GCA: variants seen among roughly 807,000 people sequenced by gnomAD.
GCA encodes grancalcin.
GCA carries 30 observed loss-of-function variants against 32.6 expected under a neutral mutation model. The observed-to-expected ratio is 0.92, with a 90% CI of 0.69 to 1.25. The LOEUF (loss-of-function observed/expected upper bound fraction) is 1.25, where lower values mean the gene tolerates loss of function less well. Among genes scored for constraint, GCA ranks in the 50% most tolerant of loss-of-function variants. The pLI is 0.00. For missense variants in GCA, 291 were observed against 266.8 expected, an observed-to-expected ratio of 1.09 and a Z score of -0.63; for synonymous variants, 102 against 84.6, an observed-to-expected ratio of 1.21 and a Z score of -1.13.
chr2:162,344,118 T>C, upstream of GCA: 1 of 917,876 alleles, frequency 1.1e-6, no homozygotes, highest in Non-Finnish European at 1.7e-6. Flanking sequence ...TTCGGAGGAG[T>C]GAACTGTGCG....
At chr2:162,335,713 T>G (rs568832869) in intron 1 of GCA, among the ~76,000 whole-genome samples, 4 of 152,356 alleles carry the variant, frequency 2.6e-5, no homozygotes, top group Non-Finnish European at 4.4e-5. Flanking sequence ...ATTGATCTTC[T>G]AATAGGGAGT....
upstream of GCA, among the ~76,000 whole-genome samples, chr2:162,343,596 C>T (rs572653218): frequency 6.6e-6 from 1 of 152,318 alleles, no homozygotes; most frequent in Non-Finnish European, 1.5e-5. Context: ...CCTGTTCGTC[C>T]AATGTGGCCT....
At chr2:162,332,444 C>T (rs1323738257) in intron 1 of GCA, among the ~76,000 whole-genome samples, 1 of 149,496 alleles carries the variant, frequency 6.7e-6, no homozygotes, top group African/African-American at 2.5e-5. Context: ...GAGCATAAAT[C>T]CTTAGCTAAT....
chr2:162,360,289 T>C lies in GCA; in HGVS notation c.*46T>C. 1 of 1,575,782 alleles carries C rather than the reference T, an allele frequency of 6.3e-7. No homozygotes were observed. The highest frequency in any genetic ancestry group is 8.6e-7 in the Non-Finnish European group (1 of 1,159,186). On this transcript the variant is annotated 3_prime_UTR_variant, in exon 8 of 8. Coordinates refer to ENST00000437150, the MANE Select transcript of GCA (RefSeq NM_012198.5). ...GAAGAGACACTGTGAATTCTTTTGT[T>C]TGGAAGAAGTGAACTGGACTACTTT...
At chr2:162,344,356 C>T (rs1684569138) in intron 1 of GCA, 81 bp downstream of exon 1, 3 of 1,372,758 alleles carry the variant, frequency 2.2e-6, no homozygotes, top group Non-Finnish European at 3.1e-6. Context: ...TGCGGGTCCG[C>T]CCTTGGCTCC....
chr2:162,359,155 C>T lies in GCA; in HGVS notation c.566C>T (p.Thr189Ile), dbSNP rs760787628. 4.5e-6 allele frequency: 7 copies of T among 1,551,674 alleles called. No homozygotes were observed. In the South Asian group the frequency reaches 7.8e-5, roughly 17 times the overall value. Residue 189 changes from threonine to isoleucine, a missense_variant and splice_region_variant, in exon 6 of 8, where the codon ACA becomes ATA. By Grantham distance (89) the Thr-to-Ile change is moderately conservative. Coordinates refer to ENST00000437150, the MANE Select transcript of GCA (RefSeq NM_012198.5). The part of the protein sequence containing the change: ...VACCVKLRAL[T>I]DFFRKRDHLQ... ...TGCTGTGTGAAGCTTCGAGCATTGA[C>T]AGGTATTGACTATTTAAAACTAAGT...
At chr2:162,333,532 T>C (rs1355028542) in intron 1 of GCA, among the ~76,000 whole-genome samples, 1 of 152,098 alleles carries the variant, frequency 6.6e-6, no homozygotes, top group Non-Finnish European at 1.5e-5. Context: ...TTTTAGAACT[T>C]ATTTAGCATA....
At chr2:162,348,263 A>G (rs146816529) in intron 2 of GCA, among the ~76,000 whole-genome samples, 25 of 152,304 alleles carry the variant, frequency 1.6e-4, no homozygotes, top group African/African-American at 5.3e-4. Context: ...TTAGGAAAGT[A>G]GGAAGCACTT....
intron 1 of GCA, chr2:162,319,315 T>A (rs987277323): frequency 4.5e-6 from 2 of 447,108 alleles, no homozygotes; most frequent in Non-Finnish European, 9.0e-6. Flanking sequence ...GACCAGGACC[T>A]GGTAACAGAT....
chr2:162,330,397 G>A (rs1684034419), intron 1 of GCA, among the ~76,000 whole-genome samples: 1 of 152,204 alleles, frequency 6.6e-6, no homozygotes. Context: ...AGGCAACGCT[G>A]CAGTAGGTCA....
At chr2:162,347,203 T>A (rs1041919031) in intron 1 of GCA, among the ~76,000 whole-genome samples, 1 of 152,204 alleles carries the variant, frequency 6.6e-6, no homozygotes, top group Non-Finnish European at 1.5e-5. Flanking sequence ...TTCTTCTAAG[T>A]ATGTGTCTTG....
Position 162,356,905 on chromosome 2 carries a change from G to A in GCA, c.454G>A (p.Gly152Ser). ...GTTGCGTCAAGCCATTGGTCTTATG[G>A]GTAAGAACATTAACATTCTTTAGAA... ...HELRQAIGLM[G>S]YRLSPQTLTT... The change falls in exon 5 of 8, where the codon GGT becomes AGT. Residue 152 changes from glycine to serine, a missense_variant and splice_region_variant. Physicochemically the swap from Gly to Ser is moderately conservative, Grantham distance 56. Transcript: ENST00000437150. The A allele has an allele frequency of 6.3e-7, 1 of 1,587,394 alleles. No homozygotes were observed. Among genetic ancestry groups the A allele is most frequent in the South Asian group, 1.1e-5 (1 of 90,084 alleles).
rs1685536131 is a variant in GCA at position 162,360,765 on chromosome 2, C to T, written c.*522C>T. On this transcript the variant is annotated 3_prime_UTR_variant, in exon 8 of 8. Transcript: ENST00000437150. ...AATCAGAGAAAAGAAACTTAAAGAT[C>T]TTTGTCTGTGAAGAAGAAAATTATC... The T allele has an allele frequency of 1.5e-6, 2 of 1,372,264 alleles. No homozygotes were observed. The highest frequency in any genetic ancestry group is 3.0e-5 in the African/African-American group (2 of 66,830). 85.0% of individuals were successfully genotyped at this position (1,372,264 alleles called of 1,614,324 possible).
At chr2:162,334,616 T>C (rs1684203818) in intron 1 of GCA, among the ~76,000 whole-genome samples, 1 of 152,230 alleles carries the variant, frequency 6.6e-6, no homozygotes, top group Admixed American at 6.5e-5. Flanking sequence ...TATGGCATCC[T>C]GAGCTAACCT....
intron 1 of GCA, among the ~76,000 whole-genome samples, chr2:162,337,108 C>G (rs1684293737): frequency 6.6e-6 from 1 of 152,196 alleles, no homozygotes; most frequent in South Asian, 2.1e-4. Context: ...CTACATTGCT[C>G]TGTGCCAGGG....
chr2:162,334,695 T>C (rs907184588), intron 1 of GCA, among the ~76,000 whole-genome samples: 59 of 152,208 alleles, frequency 3.9e-4, no homozygotes, highest in Admixed American at 3.7e-3. Context: ...TAGTAAGCTA[T>C]AAGCTTCACA....
Position 162,344,163 on chromosome 2 carries a change from C to T in GCA, c.-86C>T. On this transcript the variant is annotated 5_prime_UTR_variant, in exon 1 of 8. Coordinates refer to ENST00000437150, the MANE Select transcript of GCA (RefSeq NM_012198.5). ...CCTTTCAGCCTCACCTGCAGCTGCG[C>T]CTCCTTGCACCTGCGCCTGTGCTTT... is the stretch of plus-strand genomic sequence containing the variant. 2 of 1,431,536 alleles carry T rather than the reference C, an allele frequency of 1.4e-6. No individual in the cohort carries two copies. The highest frequency in any genetic ancestry group is 1.7e-5 in the Admixed American group (1 of 59,102). The allele number at this position is 1,431,536 out of a possible 1,614,324, so 88.7% of individuals were successfully genotyped here. A position where few individuals can be genotyped will look rare whatever the true frequency, so the allele number is the denominator to read the frequency against.
At chr2:162,373,576 A>G (rs1426830531), downstream of GCA, 3 of 1,591,450 alleles carry the variant, frequency 1.9e-6, no homozygotes, top group Admixed American at 1.8e-5. Context: ...TGCTGTTACC[A>G]TACTGTAGGC....
At chr2:162,373,587 TG>T (rs1266218958), downstream of GCA, 12 of 1,584,036 alleles carry the variant, frequency 7.6e-6, no homozygotes, top group East Asian at 2.4e-5. Context: ...TACTGTAGGC[TG>T]GGGGGACCAC....
Sources: allele counts gnomAD v4.1 joint callset (sites outside exome capture counted in the v4.1 genomes callset), GRCh38; gene constraint gnomAD v4.1.1; transcripts MANE v1.5; gene names NCBI Gene and HGNC (gene_info 2026-07-23, HGNC 2026-07-21).